ASIC1: variants seen among roughly 807,000 people sequenced by gnomAD.
ASIC1 encodes the protein acid-sensing ion channel 1.
ASIC1 carries 21 observed loss-of-function variants against 63.4 expected under a neutral mutation model. The ratio of observed to expected loss-of-function variants is 0.33; its 90% CI spans 0.23 to 0.48. The LOEUF (loss-of-function observed/expected upper bound fraction) is 0.48. ASIC1 is among the 20% of genes least tolerant of loss of function. The pLI is 0.99. For synonymous variants in ASIC1, 258 were observed against 278.2 expected, an observed-to-expected ratio of 0.93 and a Z score of 0.72; for missense variants, 478 against 695.5, an observed-to-expected ratio of 0.69 and a Z score of 3.52.
chr12:50,068,574 C>T (rs1950567614), intron 3 of ASIC1, among the ~76,000 whole-genome samples: 1 of 152,200 alleles, frequency 6.6e-6, no homozygotes, highest in South Asian at 2.1e-4. Flanking sequence ...CAGCCCAGCT[C>T]TCTCCTCTTA....
chr12:50,071,123 T>C (rs1950594914), intron 3 of ASIC1, among the ~76,000 whole-genome samples: 1 of 152,036 alleles, frequency 6.6e-6, no homozygotes, highest in Admixed American at 6.6e-5. Flanking sequence ...GGAGGTAACA[T>C]GTGAGTAGGA....
intron 4 of ASIC1, among the ~76,000 whole-genome samples, 180 bp from the exon 5 acceptor site, chr12:50,077,820 C>T (rs1306615868): frequency 6.6e-6 from 1 of 152,120 alleles, no homozygotes; most frequent in Non-Finnish European, 1.5e-5. Flanking sequence ...GTCATCGGAG[C>T]AGCTCAGAGC....
chr12:50,067,110 ACT>A (rs994529564), intron 3 of ASIC1, among the ~76,000 whole-genome samples: 2 of 16,192 alleles, frequency 1.2e-4, no homozygotes, highest in Non-Finnish European at 2.6e-4. Flanking sequence ...TAAGATAAAA[ACT>A]AAAACATGTG....
At position 50,078,838 on chromosome 12, in the gene ASIC1, C is replaced by A. The variant is rs2272392; in HGVS notation, c.995-86C>A. 2.4e-4 allele frequency: 360 copies of A among 1,493,244 alleles called. 4 individuals carry two copies. The East Asian group carries it at 8.0e-3, about 33-fold the overall frequency. 92.5% of individuals were successfully genotyped at this position (1,493,244 alleles called of 1,614,324 possible). A position where few individuals can be genotyped will look rare whatever the true frequency, so the allele number is the denominator to read the frequency against. On this transcript the variant is annotated intron_variant, in intron 6 of 11. Transcript: ENST00000447966. This position sits in a 1 kb window ranked among gnomAD's most constrained non-coding sequence, Gnocchi z 6.0. ...GTCCTCCCTTCCCATCTTCTCCCAGCTTACACCTTCTAGGCCTTTGGTACT... is the reference window on the plus strand; with the variant it reads ...GTCCTCCCTTCCCATCTTCTCCCAGATTACACCTTCTAGGCCTTTGGTACT...
chr12:50,073,940 A>G, intron 3 of ASIC1: 1 of 1,535,886 alleles, frequency 6.5e-7, no homozygotes, highest in Middle Eastern at 1.7e-4. Context: ...AGCTACCCAC[A>G]CGTGACCCTT....
intron 3 of ASIC1, among the ~76,000 whole-genome samples, chr12:50,063,420 T>A (rs1214830516): frequency 6.6e-6 from 1 of 152,126 alleles, no homozygotes; most frequent in African/African-American, 2.4e-5. Context: ...CTAGACCCTT[T>A]GCCTAGCGGA....
At chr12:50,072,110 A>C (rs1293706526) in intron 3 of ASIC1, among the ~76,000 whole-genome samples, 1 of 152,170 alleles carries the variant, frequency 6.6e-6, no homozygotes, top group Non-Finnish European at 1.5e-5. Flanking sequence ...ACCCTGCCTC[A>C]CATCCCCAAC....
At chr12:50,073,643 C>T in intron 3 of ASIC1, 1 of 1,536,190 alleles carries the variant, frequency 6.5e-7, no homozygotes, top group Non-Finnish European at 8.7e-7. Context: ...GCCCCAGGGC[C>T]CTTGGGAGAT....
chr12:50,077,101 G>A, intron 3 of ASIC1, 112 bp from the exon 4 acceptor site: 3 of 1,536,856 alleles, frequency 2.0e-6, no homozygotes, highest in Non-Finnish European at 2.7e-6. Flanking sequence ...TGCACGGGAG[G>A]AACCATTCCC....
At chr12:50,070,493 T>G (rs1950588669) in intron 3 of ASIC1, among the ~76,000 whole-genome samples, 1 of 151,960 alleles carries the variant, frequency 6.6e-6, no homozygotes, top group Non-Finnish European at 1.5e-5. Flanking sequence ...AGTGTGGTCT[T>G]GGTTGCTGTG....
intron 1 of ASIC1, 95 bp from the exon 2 acceptor site, chr12:50,058,656 C>T: frequency 6.9e-7 from 1 of 1,453,136 alleles, no homozygotes; most frequent in South Asian, 1.4e-5. Flanking sequence ...GTGGTGACCT[C>T]TGGAGATGAG....
intron 8 of ASIC1, 39 bp downstream of exon 8, chr12:50,080,094 G>C: frequency 6.4e-7 from 1 of 1,571,262 alleles, no homozygotes. Context: ...CCCTTGGGTT[G>C]GGACTGTGGA....
chr12:50,069,485 G>A (rs1448692636), intron 3 of ASIC1, among the ~76,000 whole-genome samples: 1 of 151,936 alleles, frequency 6.6e-6, no homozygotes, highest in Non-Finnish European at 1.5e-5. Context: ...GTAGATAAGG[G>A]GTTTCACCAT....
In ASIC1 at chr12:50,078,769, G is replaced by A; in HGVS notation, c.995-155G>A. 2 of 1,306,156 alleles carry A rather than the reference G, an allele frequency of 1.5e-6. No homozygotes were observed. Among genetic ancestry groups the A allele is most frequent in the Non-Finnish European group, 2.2e-6 (2 of 910,930 alleles). 80.9% of individuals were successfully genotyped at this position (1,306,156 alleles called of 1,614,324 possible). A position where few individuals can be genotyped will look rare whatever the true frequency, so the allele number is the denominator to read the frequency against. On this transcript the variant is annotated intron_variant, in intron 6 of 11. Coordinates refer to ENST00000447966, the MANE Select transcript of ASIC1 (RefSeq NM_001095.4). The surrounding 1 kb of genome is among the most constrained non-coding windows in gnomAD (Gnocchi z 6.0). ...TGGGTGGGAAGGGTCTAGAAGGTAT[G>A]GACCTGGAGTGGGTCACTTCTGGGG... is the stretch of plus-strand genomic sequence containing the variant.
Position 50,079,960 on chromosome 12 carries a change from C to T in ASIC1, c.1110C>T (p.Thr370=). 2.5e-6 allele frequency: 4 copies of T among 1,613,954 alleles called. No individual in the cohort carries two copies. The highest frequency in any genetic ancestry group is 3.4e-6 in the Non-Finnish European group (4 of 1,179,952). The change falls in exon 8 of 12, where the codon ACC becomes ACT. Residue 370 remains threonine, a synonymous_variant. Transcript: ENST00000447966. ...YCVCEMPCNL[T]RYGKELSMVK... ...TGTGTGAAATGCCTTGCAACCTGAC[C>T]CGCTATGGCAAAGAGCTGTCCATGG...
At chr12:50,080,182 G>A (rs1425744233) in intron 8 of ASIC1, 127 bp downstream of exon 8, 1 of 1,341,800 alleles carries the variant, frequency 7.5e-7, no homozygotes, top group Non-Finnish European at 1.0e-6. Flanking sequence ...GGTCCAAAAG[G>A]CAAGCAAAGA....
chr12:50,063,353 G>C (rs1950517852), intron 3 of ASIC1, among the ~76,000 whole-genome samples: 1 of 152,212 alleles, frequency 6.6e-6, no homozygotes, highest in South Asian at 2.1e-4. Context: ...AGCAAGGGGA[G>C]GGGGCTGGCA....
At position 50,064,974 on chromosome 12, in the gene ASIC1, G is replaced by C. The variant is rs1478605055; in HGVS notation, c.558+5020G>C. ...TGGGGGTGGTACTAAAGGGGGCCCA[G>C]TGGGGTGGGCTTCAGAACAAGGGGG... is the stretch of plus-strand genomic sequence containing the variant. On this transcript the variant is annotated intron_variant, in intron 3 of 11. Coordinates refer to ENST00000447966, the MANE Select transcript of ASIC1 (RefSeq NM_001095.4). Among the ~76,000 whole-genome samples, 4 of 152,120 alleles carry C rather than the reference G, an allele frequency of 2.6e-5. No homozygotes were observed. The East Asian group carries it at 7.7e-4, about 29-fold the overall frequency.
At position 50,080,018 on chromosome 12, in the gene ASIC1, C is replaced by T; in HGVS notation, c.1168C>T (p.Leu390=). 6.2e-7 allele frequency: 1 copy of T among 1,613,940 alleles called. No individual in the cohort carries two copies. The highest frequency in any genetic ancestry group is 2.2e-5 in the East Asian group (1 of 44,880). ...KIPSKASAKY[L]AKKFNKSEQY... ...CCCCAGCAAAGCCTCAGCCAAGTAC[C>T]TGGCCAAGAAGTTCAACAAATCTGA... The change falls in exon 8 of 12, where the codon CTG becomes TTG. Residue 390 remains leucine (L), a synonymous_variant. Transcript: ENST00000447966.
Sources: gnomAD v4.1 joint callset for allele counts (sites outside exome capture counted in the v4.1 genomes callset) on GRCh38, gnomAD v4.1.1 for gene constraint, Gnocchi (gnomAD v3.1) non-coding constraint, MANE v1.5 for transcripts, NCBI Gene and HGNC (gene_info 2026-07-23, HGNC 2026-07-21) for gene names.